Variants in WDR7 observed in about 807,000 individuals in gnomAD.
The protein encoded by WDR7 is WD repeat domain 7.
In WDR7, 46 loss-of-function variants were observed where a neutral mutation model predicts 169.4. The observed-to-expected ratio is 0.27, with a 90% CI of 0.21 to 0.35. The LOEUF (loss-of-function observed/expected upper bound fraction) is 0.35, where lower values mean the gene tolerates loss of function less well. Ranked by LOEUF, WDR7 falls within the 10% of genes least tolerant of loss-of-function variation. The probability of loss-of-function intolerance (pLI) is 1.00; values close to 1 mark genes in which losing one functional copy is unlikely to be tolerated. For missense variants in WDR7, 1,534 were observed against 1,859.3 expected, an observed-to-expected ratio of 0.83 and a Z score of 3.22; for synonymous variants, 612 against 666.8, an observed-to-expected ratio of 0.92 and a Z score of 1.27.
At position 56,881,317 on chromosome 18, in the gene WDR7, A is replaced by G. The variant is rs577211489; in HGVS notation, c.3526+1152A>G. On this transcript the variant is annotated intron_variant, in intron 21 of 27. Coordinates refer to ENST00000254442, the MANE Select transcript of WDR7 (RefSeq NM_015285.3). ...CACCAACCATAATGATGCAACTATT[A>G]TGAGCACTATTTTTTTTTAGCTCTT... Among the ~76,000 whole-genome samples, 3 of 152,312 alleles carry G rather than the reference A, an allele frequency of 2.0e-5. No homozygotes were observed. In the South Asian group the frequency reaches 6.2e-4, roughly 32 times the overall value.
chr18:56,739,594 C>T (rs377172049), intron 14 of WDR7, among the ~76,000 whole-genome samples: 87 of 152,118 alleles, frequency 5.7e-4, no homozygotes, highest in African/African-American at 1.9e-3. Flanking sequence ...GAAAGAACTA[C>T]TCATTTCTTT....
At chr18:56,796,300 C>A (rs1229503440) in intron 19 of WDR7, among the ~76,000 whole-genome samples, 1 of 152,146 alleles carries the variant, frequency 6.6e-6, no homozygotes, top group East Asian at 1.9e-4. Context: ...TTCTTTACTA[C>A]CCTACTGGCT....
chr18:56,966,041 G>C (rs1038032992), intron 26 of WDR7, among the ~76,000 whole-genome samples: 24 of 152,096 alleles, frequency 1.6e-4, no homozygotes, highest in Admixed American at 1.6e-3. Context: ...CTACTTACTT[G>C]TTAACAAACA....
At chr18:56,728,238 T>C (rs2026503762) in intron 13 of WDR7, among the ~76,000 whole-genome samples, 1 of 152,236 alleles carries the variant, frequency 6.6e-6, no homozygotes, top group African/African-American at 2.4e-5. Context: ...TGTTTTTTCT[T>C]TTTGTAATTA....
intron 16 of WDR7, among the ~76,000 whole-genome samples, chr18:56,764,777 G>T (rs1272400707): frequency 6.6e-6 from 1 of 152,060 alleles, no homozygotes; most frequent in Non-Finnish European, 1.5e-5. Flanking sequence ...AGTTGCCCGT[G>T]TTCAAGTTTA....
intron 12 of WDR7, 120 bp downstream of exon 12, chr18:56,696,582 C>G (rs1218452240): frequency 1.1e-6 from 1 of 892,114 alleles, no homozygotes; most frequent in Non-Finnish European, 1.6e-6. Context: ...TTAAGAAAAC[C>G]CTTTCAATTT....
chr18:56,792,387 G>A (rs1277082875), intron 19 of WDR7, among the ~76,000 whole-genome samples: 1 of 152,116 alleles, frequency 6.6e-6, no homozygotes, highest in Non-Finnish European at 1.5e-5. Context: ...TCAGTGGAAA[G>A]AGTAGTATCT....
At chr18:56,899,849 A>G (rs2046377087) in intron 21 of WDR7, among the ~76,000 whole-genome samples, 1 of 152,050 alleles carries the variant, frequency 6.6e-6, no homozygotes, top group South Asian at 2.1e-4. Context: ...TTATATTTCC[A>G]TTGACAAAGT....
intron 19 of WDR7, among the ~76,000 whole-genome samples, chr18:56,813,307 T>C (rs903380143): frequency 3.3e-5 from 5 of 152,108 alleles, no homozygotes; most frequent in African/African-American, 1.2e-4. Context: ...TCCAATGATA[T>C]GTTAAGTAAG....
In WDR7 at chr18:56,825,076, A is replaced by G. The variant is rs571565364; in HGVS notation, c.3304+8932A>G. ...GTCCCAGTTTCTTCAAAGTCTGGGA[A>G]TCCCTATTTGGTTGCTGCCTCTTCA... is the stretch of plus-strand genomic sequence containing the variant. On this transcript the variant is annotated intron_variant, in intron 20 of 27. Transcript: ENST00000254442. Among the ~76,000 whole-genome samples the G allele has an allele frequency of 2.0e-5, 3 of 152,296 alleles. No homozygotes were observed. The South Asian group carries it at 6.2e-4, about 32-fold the overall frequency.
At chr18:56,719,556 T>C (rs1031480826) in intron 13 of WDR7, among the ~76,000 whole-genome samples, 6 of 103,080 alleles carry the variant, frequency 5.8e-5, no homozygotes, top group Admixed American at 1.9e-4. Context: ...AGCGAGACTC[T>C]GTCTCAAAAA....
chr18:56,944,198 T>G (rs1322319593), intron 25 of WDR7, among the ~76,000 whole-genome samples: 2 of 151,914 alleles, frequency 1.3e-5, no homozygotes, highest in Non-Finnish European at 2.9e-5. Flanking sequence ...TTCACCATGT[T>G]GGCCAGGATG....
chr18:56,679,474 G>T, intron 3 of WDR7, 36 bp downstream of exon 3: 2 of 1,527,066 alleles, frequency 1.3e-6, no homozygotes, highest in South Asian at 1.2e-5. Context: ...TTTCTCATGA[G>T]TCTTTATAAC....
At chr18:56,672,474 G>T in intron 1 of WDR7, 23 bp from the exon 2 acceptor site, 1 of 1,430,224 alleles carries the variant, frequency 7.0e-7, no homozygotes, top group Non-Finnish European at 9.2e-7. Flanking sequence ...TGTAATATCT[G>T]ACAATTTTTA....
At chr18:56,979,177 T>G (rs1169820249) in intron 26 of WDR7, among the ~76,000 whole-genome samples, 1 of 152,178 alleles carries the variant, frequency 6.6e-6, no homozygotes, top group Admixed American at 6.5e-5. Context: ...AGTATAGATA[T>G]TTGCAGTCTA....
At chr18:56,796,126 T>A (rs1041404095) in intron 19 of WDR7, among the ~76,000 whole-genome samples, 5 of 152,200 alleles carry the variant, frequency 3.3e-5, no homozygotes, top group Non-Finnish European at 7.3e-5. Context: ...TGTATATCAA[T>A]GCAATTTCTA....
intron 26 of WDR7, among the ~76,000 whole-genome samples, chr18:57,012,118 C>T (rs1386878995): frequency 6.6e-6 from 1 of 152,062 alleles, no homozygotes; most frequent in African/African-American, 2.4e-5. Context: ...CCTTCCTCCT[C>T]CTTAGCCAGT....
At chr18:56,838,849 G>GT (rs1278389292) in intron 20 of WDR7, among the ~76,000 whole-genome samples, 2 of 152,066 alleles carry the variant, frequency 1.3e-5, no homozygotes, top group African/African-American at 2.4e-5. Context: ...TTAGCTTTAA[G>GT]TTTTTTTATA....
chr18:56,959,054 G>T (rs553082269), intron 25 of WDR7, among the ~76,000 whole-genome samples: 1 of 152,218 alleles, frequency 6.6e-6, no homozygotes, highest in Non-Finnish European at 1.5e-5. Flanking sequence ...ATGGGTAAAA[G>T]GCTGTTGTGT....
Sources: allele counts gnomAD v4.1 joint callset (sites outside exome capture counted in the v4.1 genomes callset), GRCh38; gene constraint gnomAD v4.1.1; transcripts MANE v1.5; gene names NCBI Gene and HGNC (gene_info 2026-07-23, HGNC 2026-07-21).